Variants in NCAM2 observed in about 807,000 individuals in gnomAD.
NCAM2 encodes N-CAM-2.
A neutral mutation model predicts 98.1 loss-of-function variants in NCAM2; 30 were observed. The observed-to-expected ratio is 0.31, with a 90% confidence interval of 0.23 to 0.41. The LOEUF is 0.41. Among genes scored for constraint, NCAM2 ranks in the 10% least tolerant of loss-of-function variants. NCAM2 has a pLI of 1.00. For missense variants in NCAM2, 867 were observed against 1,005.8 expected (o/e 0.86, Z 1.87); for synonymous variants, 368 against 342.4 (o/e 1.07, Z -0.83).
At chr21:21,125,156 A>G (rs562434839) in intron 1 of NCAM2, among the ~76,000 whole-genome samples, 4 of 151,800 alleles carry the variant, frequency 2.6e-5, no homozygotes, top group Admixed American at 2.6e-4. Context: ...GCATTTTTTG[A>G]ATACCACATT....
chr21:21,061,772 C>T (rs1307817119), intron 1 of NCAM2, among the ~76,000 whole-genome samples: 1 of 151,968 alleles, frequency 6.6e-6, no homozygotes, highest in East Asian at 1.9e-4. Context: ...TTTATAGGGG[C>T]TTTTACTGTT....
At chr21:21,145,268 A>C (rs773106158) in intron 1 of NCAM2, among the ~76,000 whole-genome samples, 4 of 152,204 alleles carry the variant, frequency 2.6e-5, no homozygotes, top group Non-Finnish European at 4.4e-5. Context: ...ATAACAAGAA[A>C]AACAACAAAA....
intron 1 of NCAM2, among the ~76,000 whole-genome samples, chr21:21,152,659 G>C (rs1430925875): frequency 6.6e-6 from 1 of 151,762 alleles, no homozygotes; most frequent in Non-Finnish European, 1.5e-5. Context: ...GTTTTTTGGG[G>C]TCTGTATTGA....
chr21:21,414,822 C>T (rs1352116695), intron 10 of NCAM2, among the ~76,000 whole-genome samples: 1 of 152,160 alleles, frequency 6.6e-6, no homozygotes, highest in African/African-American at 2.4e-5. Context: ...ACTCCTTGAT[C>T]CACAGGCTTC....
At chr21:21,068,648 AG>A (rs775872325) in intron 1 of NCAM2, among the ~76,000 whole-genome samples, 3 of 151,580 alleles carry the variant, frequency 2.0e-5, no homozygotes, top group Non-Finnish European at 4.4e-5. Context: ...TTAGTAGATA[AG>A]GGGTTTCACC....
intron 1 of NCAM2, among the ~76,000 whole-genome samples, chr21:21,168,374 G>T (rs931118448): frequency 1.3e-5 from 2 of 152,118 alleles, no homozygotes; most frequent in South Asian, 4.1e-4. Flanking sequence ...TTCCCATTAA[G>T]ATTCGGGAGT....
intron 1 of NCAM2, among the ~76,000 whole-genome samples, chr21:21,015,831 G>A (rs2064296820): frequency 6.6e-6 from 1 of 152,072 alleles, no homozygotes; most frequent in Non-Finnish European, 1.5e-5. Flanking sequence ...AGCCTCCTGA[G>A]TAGCTGGGAT....
chr21:21,213,946 G>A (rs7279021), intron 1 of NCAM2, among the ~76,000 whole-genome samples: 134,923 of 152,122 alleles, frequency 0.89, 60,487 homozygotes, highest in Non-Finnish European at 0.96. Context: ...TTTAACAACC[G>A]TATTTTGACG....
intron 1 of NCAM2, among the ~76,000 whole-genome samples, chr21:21,277,845 A>G (rs1249693999): frequency 3.9e-5 from 6 of 152,156 alleles, no homozygotes; most frequent in African/African-American, 1.4e-4. Flanking sequence ...GATGAAATAT[A>G]TTGGATTAAA....
chr21:21,420,441 A>C (rs2077088474), intron 11 of NCAM2, among the ~76,000 whole-genome samples: 4 of 152,044 alleles, frequency 2.6e-5, no homozygotes, highest in Admixed American at 2.6e-4. Context: ...AATGTGATTT[A>C]CAGTCTTCTA....
intron 1 of NCAM2, among the ~76,000 whole-genome samples, chr21:21,067,167 T>A (rs2065458460): frequency 6.6e-6 from 1 of 150,776 alleles, no homozygotes; most frequent in Non-Finnish European, 1.5e-5. Flanking sequence ...GCAAAATGTA[T>A]TACACAGTAA....
chr21:21,126,695 T>A (rs2146594974), intron 1 of NCAM2, among the ~76,000 whole-genome samples: 1 of 152,154 alleles, frequency 6.6e-6, no homozygotes, highest in African/African-American at 2.4e-5. Context: ...GGAGCTAATC[T>A]TATGTTTTGT....
chr21:21,487,999 A>G (rs1036510349), intron 15 of NCAM2, among the ~76,000 whole-genome samples: 3 of 152,150 alleles, frequency 2.0e-5, no homozygotes, highest in African/African-American at 4.8e-5. Flanking sequence ...GCAAATGCAC[A>G]TATATGCCTT....
At chr21:21,194,541 A>T (rs184515349) in intron 1 of NCAM2, among the ~76,000 whole-genome samples, 76 of 152,298 alleles carry the variant, frequency 5.0e-4, no homozygotes, top group Non-Finnish European at 7.9e-4. Context: ...ACTCTGTTGT[A>T]CACTCAGTGT....
rs28593517 is a variant in NCAM2, at chr21:21,529,635, C to A, written c.2283-4902C>A. Among the ~76,000 whole-genome samples, 436 of 152,016 alleles carry A rather than the reference C, an allele frequency of 2.9e-3. 5 individuals carry two copies. Among genetic ancestry groups the A allele is most frequent in the African/African-American group, 0.01 (428 of 41,518 alleles). On this transcript the variant is annotated intron_variant, in intron 16 of 17. Transcript: ENST00000400546. ...ATTTATTAATTGCATGAAATCCTTACATTCTGGCAGGGTGTGCTTATTAAT... is the reference window on the plus strand; with the variant it reads ...ATTTATTAATTGCATGAAATCCTTAAATTCTGGCAGGGTGTGCTTATTAAT...
intron 1 of NCAM2, among the ~76,000 whole-genome samples, chr21:21,279,645 T>TA (rs2072858598): frequency 6.6e-6 from 1 of 152,008 alleles, no homozygotes; most frequent in African/African-American, 2.4e-5. Context: ...GCGTGGTCGT[T>TA]ATCTGGTGTT....
intron 8 of NCAM2, among the ~76,000 whole-genome samples, chr21:21,368,511 T>G (rs909129268): frequency 6.6e-6 from 1 of 151,818 alleles, no homozygotes; most frequent in Admixed American, 6.6e-5. Context: ...CAACAGAAAT[T>G]TATTTCTCAC....
intron 1 of NCAM2, among the ~76,000 whole-genome samples, chr21:21,009,747 T>G (rs1041011170): frequency 1.3e-5 from 2 of 152,078 alleles, no homozygotes; most frequent in Non-Finnish European, 2.9e-5. Context: ...AAACCAATTC[T>G]GAACTGTATG....
chr21:21,443,088 A>G (rs1223366600), intron 12 of NCAM2, among the ~76,000 whole-genome samples: 1 of 152,118 alleles, frequency 6.6e-6, no homozygotes. Context: ...TGTTCTCAAT[A>G]TGCAGCCATA....
Sources: allele counts gnomAD v4.1 joint callset (sites outside exome capture counted in the v4.1 genomes callset), GRCh38; gene constraint gnomAD v4.1.1; transcripts MANE v1.5; gene names NCBI Gene and HGNC (gene_info 2026-07-23, HGNC 2026-07-21).